Variants in ZBTB20 observed in about 807,000 individuals in gnomAD.
The protein encoded by ZBTB20 is zinc finger and BTB domain containing 20, also known as zinc finger and BTB domain-containing protein 20.
A neutral mutation model predicts 56.9 loss-of-function variants in ZBTB20; 9 were observed. The ratio of observed to expected loss-of-function variants is 0.16; its 90% CI spans 0.10 to 0.28. The LOEUF (loss-of-function observed/expected upper bound fraction) is 0.28, where lower values mean the gene tolerates loss of function less well. ZBTB20 is among the 10% of genes least tolerant of loss of function. ZBTB20 has a pLI of 1.00. For missense variants in ZBTB20, 655 were observed against 1,003.0 expected, an observed-to-expected ratio of 0.65 and a Z score of 4.69; for synonymous variants, 417 against 420.7, an observed-to-expected ratio of 0.99 and a Z score of 0.11.
At chr3:114,825,922 TC>T (rs2073501041) in intron 4 of ZBTB20, among the ~76,000 whole-genome samples, 1 of 151,842 alleles carries the variant, frequency 6.6e-6, no homozygotes. Context: ...CTTGTCAGTA[TC>T]TATGATCACT....
At chr3:115,104,396 T>A (rs2083664652) in intron 1 of ZBTB20, among the ~76,000 whole-genome samples, 1 of 152,200 alleles carries the variant, frequency 6.6e-6, no homozygotes, top group Non-Finnish European at 1.5e-5. Flanking sequence ...TACACACAGA[T>A]GTTTACAGTA....
intron 7 of ZBTB20, among the ~76,000 whole-genome samples, chr3:114,441,505 T>C (rs149866688): frequency 2.0e-5 from 3 of 152,232 alleles, no homozygotes; most frequent in African/African-American, 7.2e-5. Flanking sequence ...TAAGACCCAC[T>C]GCACTACGAA....
At chr3:114,411,206 C>T (rs1475130025) in intron 7 of ZBTB20, among the ~76,000 whole-genome samples, 1 of 152,122 alleles carries the variant, frequency 6.6e-6, no homozygotes, top group Non-Finnish European at 1.5e-5. Context: ...CACCAGTCAC[C>T]TCCTTCCCCA....
At chr3:114,428,166 AC>A (rs2089847997) in intron 7 of ZBTB20, among the ~76,000 whole-genome samples, 1 of 152,240 alleles carries the variant, frequency 6.6e-6, no homozygotes, top group Admixed American at 6.5e-5. Context: ...ATACCCCCCA[AC>A]AAAGTACTGT....
At chr3:115,047,767 T>A (rs2081386347) in intron 2 of ZBTB20, among the ~76,000 whole-genome samples, 1 of 152,192 alleles carries the variant, frequency 6.6e-6, no homozygotes, top group Non-Finnish European at 1.5e-5. Flanking sequence ...TAATTGGTGG[T>A]GAACAGCTTT....
intron 6 of ZBTB20, among the ~76,000 whole-genome samples, chr3:114,526,381 A>G (rs539760106): frequency 6.6e-6 from 1 of 152,290 alleles, no homozygotes; most frequent in South Asian, 2.1e-4. Flanking sequence ...AGTATCATTC[A>G]CCCATCTGCT....
intron 4 of ZBTB20, among the ~76,000 whole-genome samples, chr3:114,875,366 T>C (rs1366760072): frequency 6.6e-6 from 1 of 152,202 alleles, no homozygotes; most frequent in African/African-American, 2.4e-5. Flanking sequence ...ATCTTTTCTT[T>C]AACTCAAAAG....
chr3:115,140,356 T>G (rs188152801), intron 1 of ZBTB20, among the ~76,000 whole-genome samples: 1 of 152,238 alleles, frequency 6.6e-6, no homozygotes, highest in Non-Finnish European at 1.5e-5. Flanking sequence ...TACTTCTACT[T>G]ACTTAATTTT....
intron 1 of ZBTB20, among the ~76,000 whole-genome samples, chr3:115,138,680 T>C (rs1386019574): frequency 6.6e-6 from 1 of 152,024 alleles, no homozygotes; most frequent in South Asian, 2.1e-4. Flanking sequence ...ATCTTTAAAA[T>C]TGGGATAATA....
rs907249212 is a variant in ZBTB20, at chr3:114,339,570, G to A, written c.1805-144C>T. On this transcript the variant is annotated intron_variant, in intron 11 of 11. Transcript: ENST00000675478. The surrounding 1 kb of genome is among the most constrained non-coding windows in gnomAD (Gnocchi z 4.2). The stretch of plus-strand genomic sequence containing the variant: ...TTTGATTGCTTAATGGATCATCCTC[G>A]TTTGGAAAAATCCAGGCCCTCCTAG... 33 of 1,052,938 alleles carry A rather than the reference G, an allele frequency of 3.1e-5. No homozygotes were observed. Among genetic ancestry groups the A allele is most frequent in the Middle Eastern group, 3.2e-4 (1 of 3,166 alleles). 65.2% of individuals were successfully genotyped at this position (1,052,938 alleles called of 1,614,324 possible). A position where few individuals can be genotyped will look rare whatever the true frequency, so the allele number is the denominator to read the frequency against.
intron 5 of ZBTB20, among the ~76,000 whole-genome samples, chr3:114,748,008 T>C (rs528809550): frequency 6.6e-6 from 1 of 151,990 alleles, no homozygotes; most frequent in African/African-American, 2.4e-5. Context: ...TAAAACTTAT[T>C]GAATTTTCAA....
chr3:114,395,013 C>A (rs188716352), intron 7 of ZBTB20, among the ~76,000 whole-genome samples: 101 of 152,188 alleles, frequency 6.6e-4, no homozygotes, highest in African/African-American at 2.4e-3. Flanking sequence ...TCAAATAACA[C>A]CTTCCCTCTG....
At position 114,777,001 on chromosome 3, in the gene ZBTB20, C is replaced by T. The variant is rs936272231; in HGVS notation, c.-343+24100G>A. On this transcript the variant is annotated intron_variant, in intron 5 of 11. Coordinates refer to ENST00000675478, the MANE Select transcript of ZBTB20 (RefSeq NM_001348800.3). Reference sequence around the variant, plus strand: ...CTTACACACATAATGTATTACCAGCCATTTTCCCCCTAAATCAATTATCAG... The same window carrying T: ...CTTACACACATAATGTATTACCAGCTATTTTCCCCCTAAATCAATTATCAG... 2.6e-5 allele frequency among the ~76,000 whole-genome samples: 4 copies of T among 152,142 alleles called. 1 individual carries two copies. The highest frequency in any genetic ancestry group is 9.6e-5 in the African/African-American group (4 of 41,514).
intron 1 of ZBTB20, among the ~76,000 whole-genome samples, chr3:115,111,590 T>C (rs75821056): frequency 0.058 from 8,767 of 152,210 alleles, 357 homozygotes; most frequent in Admixed American, 0.15. Flanking sequence ...AATCAGATGT[T>C]TAAAAATACA....
chr3:114,765,574 A>C (rs1313203184), intron 5 of ZBTB20, among the ~76,000 whole-genome samples: 1 of 152,118 alleles, frequency 6.6e-6, no homozygotes, highest in African/African-American at 2.4e-5. Context: ...TCTTGCTTCC[A>C]GAACTGTGAT....
chr3:114,468,785 C>T (rs2092646251), intron 7 of ZBTB20, among the ~76,000 whole-genome samples: 1 of 151,888 alleles, frequency 6.6e-6, no homozygotes, highest in South Asian at 2.1e-4. Flanking sequence ...AAACTTAATA[C>T]AACGACCACA....
intron 2 of ZBTB20, among the ~76,000 whole-genome samples, chr3:115,031,172 C>T (rs540883497): frequency 1.2e-4 from 18 of 151,466 alleles, no homozygotes; most frequent in Non-Finnish European, 2.1e-4. Context: ...AGAACAGCTT[C>T]GGCTGTGCTG....
intron 4 of ZBTB20, among the ~76,000 whole-genome samples, chr3:114,820,895 C>T (rs1221740682): frequency 6.6e-6 from 1 of 152,056 alleles, no homozygotes; most frequent in Non-Finnish European, 1.5e-5. Context: ...ATAAAATTTA[C>T]CTACATTGCT....
At chr3:114,643,761 C>A (rs142539675) in intron 6 of ZBTB20, among the ~76,000 whole-genome samples, 25 of 152,116 alleles carry the variant, frequency 1.6e-4, no homozygotes, top group African/African-American at 6.0e-4. Context: ...GTGTAACAGT[C>A]AACTATTAAA....
Sources: allele counts gnomAD v4.1 joint callset (sites outside exome capture counted in the v4.1 genomes callset), GRCh38; gene constraint gnomAD v4.1.1; non-coding constraint Gnocchi (gnomAD v3.1); transcripts MANE v1.5; gene names NCBI Gene and HGNC (gene_info 2026-07-23, HGNC 2026-07-21).